SGPP1: variants seen among roughly 807,000 people sequenced by gnomAD.
The protein encoded by SGPP1 is hSPP1.
In SGPP1, 21 loss-of-function variants were observed where a neutral mutation model predicts 33.0. The observed-to-expected ratio is 0.64, with a 90% CI of 0.45 to 0.92. SGPP1 has a LOEUF of 0.92. Ranked by LOEUF, SGPP1 falls within the 40% of genes least tolerant of loss-of-function variation. The pLI, the probability that SGPP1 is intolerant of heterozygous loss-of-function variation, is 0.00. For missense variants in SGPP1, 543 were observed against 589.4 expected, an observed-to-expected ratio of 0.92 and a Z score of 0.81; for synonymous variants, 239 against 241.2, an observed-to-expected ratio of 0.99 and a Z score of 0.08.
At chr14:63,690,446 G>A (rs1049351752) in intron 2 of SGPP1, among the ~76,000 whole-genome samples, 13 of 152,098 alleles carry the variant, frequency 8.5e-5, no homozygotes, top group East Asian at 1.9e-4. Flanking sequence ...ACTCCAAATC[G>A]GAACACTTTG....
chr14:63,699,657 A>G (rs1885255278), intron 1 of SGPP1, among the ~76,000 whole-genome samples: 1 of 151,968 alleles, frequency 6.6e-6, no homozygotes, highest in South Asian at 2.1e-4. Context: ...GCATACTAAC[A>G]CCTTGAACTC....
chr14:63,724,112 T>C (rs1027881866), intron 1 of SGPP1, among the ~76,000 whole-genome samples: 9 of 152,062 alleles, frequency 5.9e-5, no homozygotes, highest in Non-Finnish European at 1.2e-4. Flanking sequence ...ACTCCTGGGC[T>C]CAAGGGATCC....
chr14:63,718,231 G>C (rs1199710082), intron 1 of SGPP1, among the ~76,000 whole-genome samples: 1 of 149,936 alleles, frequency 6.7e-6, no homozygotes, highest in Non-Finnish European at 1.5e-5. Flanking sequence ...CTGGGGAACA[G>C]CGCAAGACTC....
At chr14:63,699,511 T>C (rs1030707052) in intron 1 of SGPP1, among the ~76,000 whole-genome samples, 14 of 152,124 alleles carry the variant, frequency 9.2e-5, no homozygotes, top group African/African-American at 3.1e-4. Flanking sequence ...TAAGTAAGCT[T>C]GTAAGAAGAG....
In SGPP1 at chr14:63,698,953, G is replaced by A. The variant is rs147516102; in HGVS notation, c.685-295C>T. Reference sequence around the variant, plus strand: ...ATTCAATCACTGGCATGGTATAGGAGGAGGAGGACAGGTAAGAGACATACT... The same window carrying A: ...ATTCAATCACTGGCATGGTATAGGAAGAGGAGGACAGGTAAGAGACATACT... On this transcript the variant is annotated intron_variant, in intron 1 of 2. Coordinates refer to ENST00000247225, the MANE Select transcript of SGPP1 (RefSeq NM_030791.4). Among the ~76,000 whole-genome samples the A allele has an allele frequency of 2.0e-5, 3 of 152,298 alleles. No individual in the cohort carries two copies. In the East Asian group the frequency reaches 5.8e-4, roughly 29 times the overall value.
At chr14:63,700,355 A>T (rs1885271403) in intron 1 of SGPP1, among the ~76,000 whole-genome samples, 1 of 152,138 alleles carries the variant, frequency 6.6e-6, no homozygotes, top group African/African-American at 2.4e-5. Flanking sequence ...ACTCATCATC[A>T]TATCACCCAC....
chr14:63,720,585 C>T (rs1003996558), intron 1 of SGPP1, among the ~76,000 whole-genome samples: 1 of 151,972 alleles, frequency 6.6e-6, no homozygotes, highest in Non-Finnish European at 1.5e-5. Context: ...ATGCTGAAAC[C>T]CCATTTCTAC....
rs140919393 is a variant in SGPP1 at position 63,697,529 on chromosome 14, G to A, written c.774+1040C>T. ...TAGATGCCTCATGAGACACCATGTT[G>A]GATACTAAAGGTAGAGTTAAAACAC... On this transcript the variant is annotated intron_variant, in intron 2 of 2. Transcript: ENST00000247225. 2.0e-5 allele frequency among the ~76,000 whole-genome samples: 3 copies of A among 152,160 alleles called. No homozygotes were observed. The East Asian group carries it at 5.8e-4, about 29-fold the overall frequency.
At chr14:63,698,183 A>C (rs778099544) in intron 2 of SGPP1, among the ~76,000 whole-genome samples, 29 of 152,230 alleles carry the variant, frequency 1.9e-4, no homozygotes, top group South Asian at 8.3e-4. Flanking sequence ...GTTTAAGTTC[A>C]CATAGTTTCT....
Position 63,727,897 on chromosome 14 carries a change from G to A in SGPP1, c.48C>T (p.Asp16=), listed in dbSNP as rs1031453037. The change falls in exon 1 of 3, where the codon GAC becomes GAT. Residue 16 remains aspartate (D), a synonymous_variant. Transcript: ENST00000247225. ...RLAQLVGRLQ[D]PQKVARFQRL... ...GCTGGAAACGGGCCACTTTCTGCGG[G>A]TCCTGCAGACGGCCAACCAGCTGGG... The A allele has an allele frequency of 1.3e-6, 2 of 1,536,222 alleles. No individual in the cohort carries two copies. Among genetic ancestry groups the A allele is most frequent in the South Asian group, 1.2e-5 (1 of 84,674 alleles).
intron 2 of SGPP1, among the ~76,000 whole-genome samples, chr14:63,687,919 A>C (rs1279808579): frequency 6.6e-6 from 1 of 152,096 alleles, no homozygotes; most frequent in Non-Finnish European, 1.5e-5. Flanking sequence ...TCAAGAGTTC[A>C]AGACCAGCCT....
At chr14:63,719,274 T>C (rs1204677517) in intron 1 of SGPP1, among the ~76,000 whole-genome samples, 1 of 151,052 alleles carries the variant, frequency 6.6e-6, no homozygotes, top group Non-Finnish European at 1.5e-5. Context: ...CAAAGTGCTA[T>C]GATTACAGGT....
chr14:63,706,113 C>CACAAAA (rs1474035493), intron 1 of SGPP1, among the ~76,000 whole-genome samples: 1 of 152,204 alleles, frequency 6.6e-6, no homozygotes, highest in African/African-American at 2.4e-5. Context: ...GAATGAAGTA[C>CACAAAA]TGATGCATGC....
At chr14:63,700,583 C>G (rs1204164213) in intron 1 of SGPP1, among the ~76,000 whole-genome samples, 1 of 151,940 alleles carries the variant, frequency 6.6e-6, no homozygotes, top group South Asian at 2.1e-4. Context: ...AGGCATTAAA[C>G]AGTAAACACA....
chr14:63,711,532 T>C (rs1044689516), intron 1 of SGPP1, among the ~76,000 whole-genome samples: 1 of 152,182 alleles, frequency 6.6e-6, no homozygotes, highest in African/African-American at 2.4e-5. Flanking sequence ...AGTTAATGTG[T>C]AGCTCAAGTC....
chr14:63,698,721 A>T (rs1885239091), intron 1 of SGPP1, 63 bp from the exon 2 acceptor site: 4 of 918,306 alleles, frequency 4.4e-6, no homozygotes, highest in Non-Finnish European at 6.5e-6. Flanking sequence ...CAAACAAATA[A>T]AAGACAAATC....
chr14:63,721,130 G>C (rs372074496), intron 1 of SGPP1, among the ~76,000 whole-genome samples: 1 of 152,154 alleles, frequency 6.6e-6, no homozygotes, highest in Admixed American at 6.5e-5. Context: ...CGATCCGTTC[G>C]TCTCGGCCTT....
chr14:63,698,459 C>T (rs1269063541), intron 2 of SGPP1, 110 bp downstream of exon 2: 5 of 524,416 alleles, frequency 9.5e-6, no homozygotes, highest in Non-Finnish European at 1.6e-5. Context: ...AGACGACTTA[C>T]AATATTTTCT....
intron 2 of SGPP1, among the ~76,000 whole-genome samples, chr14:63,687,951 T>C (rs1397355173): frequency 6.6e-6 from 1 of 152,040 alleles, no homozygotes; most frequent in Non-Finnish European, 1.5e-5. Flanking sequence ...TGAAACCCTG[T>C]CTCTACTAGA....
Sources: allele counts gnomAD v4.1 joint callset (sites outside exome capture counted in the v4.1 genomes callset), GRCh38; gene constraint gnomAD v4.1.1; transcripts MANE v1.5; gene names NCBI Gene and HGNC (gene_info 2026-07-23, HGNC 2026-07-21).